The following SOX13 variants were observed in gnomAD, a reference collection of about 807,000 sequenced individuals.
SOX13 encodes the protein transcription factor SOX-13.
A neutral mutation model predicts 71.8 loss-of-function variants in SOX13; 28 were observed. The ratio of observed to expected loss-of-function variants is 0.39; its 90% CI spans 0.29 to 0.53. SOX13 has a LOEUF of 0.53. Ranked by LOEUF, SOX13 falls within the 20% of genes least tolerant of loss-of-function variation. The pLI is 0.70. For synonymous variants in SOX13, 309 were observed against 317.8 expected, an observed-to-expected ratio of 0.97 and a Z score of 0.29; for missense variants, 627 against 810.3, an observed-to-expected ratio of 0.77 and a Z score of 2.75.
rs375486593 is a variant in SOX13, at chr1:204,125,922, C to T, written c.1657C>T (p.Pro553Ser). Residue 553 changes from proline to serine, a missense_variant, in exon 14 of 14, where the codon CCG (proline) becomes TCG (serine). By Grantham distance (74) the Pro-to-Ser change is moderately conservative (BLOSUM62 -1). Around this residue, in one of 3 missense-constraint regions of SOX13, gnomAD observed 148 missense variants for 192.7 expected, o/e 0.77. Transcript: ENST00000367204. ...CCTGTACCCTCGGGCAGCAGGCATG[C>T]CGCTGGCACAGCCACTGGTGGAGCA... is the stretch of plus-strand genomic sequence containing the variant. Reference protein sequence around the residue: ...DVLYPRAAGMPLAQPLVEHYV... With the variant: ...DVLYPRAAGMSLAQPLVEHYV... 3 of 1,613,248 alleles carry T rather than the reference C, an allele frequency of 1.9e-6. No homozygotes were observed. Among genetic ancestry groups the T allele is most frequent in the Non-Finnish European group, 1.7e-6 (2 of 1,179,712 alleles).
At chr1:204,115,472 GTTGT>G (rs1656668892) in intron 4 of SOX13, among the ~76,000 whole-genome samples, 1 of 76,700 alleles carries the variant, frequency 1.3e-5, no homozygotes, top group Non-Finnish European at 2.3e-5. Flanking sequence ...TGATTCCGAT[GTTGT>G]TTTTTTTTTT....
At position 204,073,499 on chromosome 1, in the gene SOX13, G is replaced by A. The variant is rs1211679358; in HGVS notation, c.-214G>A. 1.3e-5 allele frequency: 2 copies of A among 151,706 alleles called. No homozygotes were observed. Among genetic ancestry groups the A allele is most frequent in the Non-Finnish European group, 2.9e-5 (2 of 67,874 alleles). The allele number at this position is 151,706 out of a possible 1,614,324, so 9.4% of individuals were successfully genotyped here. A position where few individuals can be genotyped will look rare whatever the true frequency, so the allele number is the denominator to read the frequency against. ...GGGACGGCGGGCCCCGTGGGGCGCG[G>A]ACCCAGGGTGGCCGTGGGTCCGCAG... On this transcript the variant is annotated 5_prime_UTR_variant, in exon 1 of 14. Coordinates refer to ENST00000367204, the MANE Select transcript of SOX13 (RefSeq NM_005686.3). This position sits in a 1 kb window ranked among gnomAD's most constrained non-coding sequence, Gnocchi z 6.8.
Position 204,081,940 on chromosome 1 carries a change from G to A in SOX13, c.-2+8229G>A, listed in dbSNP as rs558793419. Among the ~76,000 whole-genome samples the A allele has an allele frequency of 2.6e-5, 4 of 152,230 alleles. No homozygotes were observed. Among genetic ancestry groups the A allele is most frequent in the African/African-American group, 7.2e-5 (3 of 41,520 alleles). On this transcript the variant is annotated intron_variant, in intron 1 of 13. Transcript: ENST00000367204. The surrounding 1 kb of genome is among the most constrained non-coding windows in gnomAD (Gnocchi z 4.3). Reference sequence around the variant, plus strand: ...AGGAAGCCTGTGTGCAGGTACAGCCGTGGCTCAGAGGCAGGTGGGGTGAGG... The same window carrying A: ...AGGAAGCCTGTGTGCAGGTACAGCCATGGCTCAGAGGCAGGTGGGGTGAGG...
chr1:204,090,658 G>T (rs1350938985), intron 1 of SOX13, among the ~76,000 whole-genome samples: 1 of 152,084 alleles, frequency 6.6e-6, no homozygotes, highest in Non-Finnish European at 1.5e-5. Flanking sequence ...TGATCCACCC[G>T]CCTGGGCCTC....
At chr1:204,084,825 C>T (rs935715794) in intron 1 of SOX13, among the ~76,000 whole-genome samples, 1 of 152,082 alleles carries the variant, frequency 6.6e-6, no homozygotes, top group African/African-American at 2.4e-5. Context: ...TGAGACTAGA[C>T]CATGTGGGGG....
chr1:204,078,225 G>A (rs1387009305), intron 1 of SOX13: 1 of 149,528 alleles, frequency 6.7e-6, no homozygotes, highest in African/African-American at 2.4e-5. Flanking sequence ...ACAAGTGTCG[G>A]TTGAGCTAGG....
intron 1 of SOX13, among the ~76,000 whole-genome samples, chr1:204,095,366 G>A (rs886668440): frequency 2.0e-5 from 3 of 152,154 alleles, no homozygotes; most frequent in Non-Finnish European, 1.5e-5. Flanking sequence ...TCTGGGTTGC[G>A]CATGGAAGCC....
Position 204,113,098 on chromosome 1 carries a change from C to T in SOX13, c.183C>T (p.Pro61=). 1 of 1,584,100 alleles carries T rather than the reference C, an allele frequency of 6.3e-7. No individual in the cohort carries two copies. The highest frequency in any genetic ancestry group is 1.7e-4 in the Middle Eastern group (1 of 5,776). ...PARASQDSAD[P]QAPAQGNFRG... ...GGGCCTCCCAGGATAGTGCTGACCC[C>T]CAAGCTCCAGCCCAGGGGAATTTCA... The change falls in exon 2 of 14, where the codon CCC becomes CCT. Residue 61 remains proline, a synonymous_variant. Coordinates refer to ENST00000367204, the MANE Select transcript of SOX13 (RefSeq NM_005686.3).
In SOX13 at chr1:204,080,989, G is replaced by A. The variant is rs547825567; in HGVS notation, c.-2+7278G>A. ...TGCAATGGTGCCATCTCAGCTCACC[G>A]CAACATCCGCCTCCCAGGTTCAAGC... On this transcript the variant is annotated intron_variant, in intron 1 of 13. Transcript: ENST00000367204. Among the ~76,000 whole-genome samples, 5 of 143,334 alleles carry A rather than the reference G, an allele frequency of 3.5e-5. No individual in the cohort carries two copies. The East Asian group carries it at 8.9e-4, about 26-fold the overall frequency. The allele number at this position is 143,334 out of a possible 152,430, so 94.0% of individuals were successfully genotyped here.
rs888026025 is a variant in SOX13 at position 204,109,339 on chromosome 1, A to G, written c.-1-3576A>G. ...GCACTCATGCACTGCTTGCCTACCAATGTCTCTGTCAACGACCGAACACAT... is the reference window on the plus strand; with the variant it reads ...GCACTCATGCACTGCTTGCCTACCAGTGTCTCTGTCAACGACCGAACACAT... On this transcript the variant is annotated intron_variant, in intron 1 of 13. Coordinates refer to ENST00000367204, the MANE Select transcript of SOX13 (RefSeq NM_005686.3). 9.2e-5 allele frequency among the ~76,000 whole-genome samples: 14 copies of G among 152,312 alleles called. No homozygotes were observed. In the East Asian group the frequency reaches 2.7e-3, roughly 29 times the overall value.
At chr1:204,119,833 C>T (rs1342010039) in intron 7 of SOX13, 1 of 150,936 alleles carries the variant, frequency 6.6e-6, no homozygotes, top group Non-Finnish European at 1.5e-5. Context: ...CAAAGTGAGA[C>T]CCTGTCTCTA....
At chr1:204,094,211 C>T (rs1393672581) in intron 1 of SOX13, among the ~76,000 whole-genome samples, 7 of 152,170 alleles carry the variant, frequency 4.6e-5, no homozygotes, top group African/African-American at 7.2e-5. Context: ...CGGATGGGAA[C>T]GATGAGACTC....
In SOX13 at chr1:204,123,260, C is replaced by T; in HGVS notation, c.1231+52C>T. On this transcript the variant is annotated intron_variant, in intron 11 of 13. Transcript: ENST00000367204. This position sits in a 1 kb window ranked among gnomAD's most constrained non-coding sequence, Gnocchi z 5.0. ...CGCAGGAGGGCCCAACTCTGTATTC[C>T]ACCAGGGCCAGGGCTGTGTCTGCCT... 7.0e-7 allele frequency: 1 copy of T among 1,424,492 alleles called. No individual in the cohort carries two copies. Among genetic ancestry groups the T allele is most frequent in the Non-Finnish European group, 9.9e-7 (1 of 1,007,972 alleles). The allele number at this position is 1,424,492 out of a possible 1,614,324, so 88.2% of individuals were successfully genotyped here. A position where few individuals can be genotyped will look rare whatever the true frequency, so the allele number is the denominator to read the frequency against.
Position 204,123,198 on chromosome 1 carries a change from C to T in SOX13, c.1221C>T (p.Cys407=), listed in dbSNP as rs376154453. The T allele has an allele frequency of 5.8e-5, 94 of 1,612,672 alleles. No individual in the cohort carries two copies. In the African/African-American group the frequency reaches 6.8e-4, roughly 12 times the overall value. The change falls in exon 11 of 14, where the codon TGC becomes TGT. Residue 407 remains cysteine (C), a synonymous_variant. Coordinates refer to ENST00000367204, the MANE Select transcript of SOX13 (RefSeq NM_005686.3). This position sits in a 1 kb window ranked among gnomAD's most constrained non-coding sequence, Gnocchi z 5.0. ...CACTGGAGGAAGCCATGCTGAGCTG[C>T]GACATGGATGGTGAGGGCTCAGGCG... is the stretch of plus-strand genomic sequence containing the variant. ...VHPLEEAMLS[C]DMDGSRHFPE...
In SOX13 at chr1:204,124,764, C is replaced by T. The variant is rs1162467090; in HGVS notation, c.1499C>T (p.Thr500Ile). The change falls in exon 13 of 14, where the codon ACC (threonine) becomes ATC (isoleucine). Residue 500 changes from threonine to isoleucine, a missense_variant. Around this residue, in one of 3 missense-constraint regions of SOX13, gnomAD observed 148 missense variants for 192.7 expected, o/e 0.77. Transcript: ENST00000367204. ...DYKYKPRPKRTCIVEGKRLRV... is the reference protein window; with the variant it reads ...DYKYKPRPKRICIVEGKRLRV... ...AAGTACAAGCCGCGGCCCAAGCGCACCTGCATCGTGGAGGGCAAGCGGCTG... is the reference window on the plus strand; with the variant it reads ...AAGTACAAGCCGCGGCCCAAGCGCATCTGCATCGTGGAGGGCAAGCGGCTG... 1 of 1,607,464 alleles carries T rather than the reference C, an allele frequency of 6.2e-7. No individual in the cohort carries two copies. Among genetic ancestry groups the T allele is most frequent in the East Asian group, 2.2e-5 (1 of 44,576 alleles).
intron 7 of SOX13, among the ~76,000 whole-genome samples, chr1:204,121,541 A>T (rs894008321): frequency 6.6e-6 from 1 of 152,222 alleles, no homozygotes; most frequent in Non-Finnish European, 1.5e-5. Flanking sequence ...CACAACAGGC[A>T]GCCGCTTTTG....
intron 1 of SOX13, among the ~76,000 whole-genome samples, chr1:204,084,612 A>G (rs567328042): frequency 6.6e-6 from 1 of 152,276 alleles, no homozygotes; most frequent in South Asian, 2.1e-4. Context: ...GGCCACAGGC[A>G]GGCAGGAGGC....
At chr1:204,107,751 C>T (rs1656500314) in intron 1 of SOX13, among the ~76,000 whole-genome samples, 1 of 152,196 alleles carries the variant, frequency 6.6e-6, no homozygotes, top group Non-Finnish European at 1.5e-5. Context: ...GGCATTGTGC[C>T]TGGGCTGTTG....
At position 204,122,864 on chromosome 1, in the gene SOX13, T is replaced by G; in HGVS notation, c.1035T>G (p.Gly345=). Reference sequence around the variant, plus strand: ...TGCCCTCTCCCACAGGCTTCCTTGGTGAAGGGGACGCTGTCACCAAAGCCA... The same window carrying G: ...TGCCCTCTCCCACAGGCTTCCTTGGGGAAGGGGACGCTGTCACCAAAGCCA... ...SPPSLPLGFL[G]EGDAVTKAIQ... Residue 345 remains glycine, a synonymous_variant, in exon 10 of 14, where the codon GGT becomes GGG. Transcript: ENST00000367204. The G allele has an allele frequency of 6.4e-7, 1 of 1,560,106 alleles. No homozygotes were observed. The highest frequency in any genetic ancestry group is 8.7e-7 in the Non-Finnish European group (1 of 1,150,996).
Sources: gnomAD v4.1 joint callset for allele counts (sites outside exome capture counted in the v4.1 genomes callset) on GRCh38, gnomAD v4.1.1 for gene constraint, gnomAD v4.1.1 regional missense constraint, Gnocchi (gnomAD v3.1) non-coding constraint, MANE v1.5 for transcripts, NCBI Gene and HGNC (gene_info 2026-07-23, HGNC 2026-07-21) for gene names.